Variants in GPI observed in about 807,000 individuals in gnomAD.
GPI encodes the protein glucose-6-phosphate isomerase.
A neutral mutation model predicts 75.8 loss-of-function variants in GPI; 56 were observed. That is an observed-to-expected ratio of 0.74 (90% CI 0.60 to 0.92). The LOEUF is 0.92. Among genes scored for constraint, GPI ranks in the 40% least tolerant of loss-of-function variants. GPI has a pLI of 0.00. For missense variants in GPI, 638 were observed against 741.0 expected (o/e 0.86, Z 1.61); for synonymous variants, 288 against 285.4 (o/e 1.01, Z -0.09).
chr19:34,391,911 G>A (rs1400610876), intron 9 of GPI, among the ~76,000 whole-genome samples: 5 of 5,304 alleles, frequency 9.4e-4, no homozygotes, highest in Non-Finnish European at 1.4e-3. Flanking sequence ...ATCTGGTACA[G>A]GTATGAGGAT....
Position 34,396,633 on chromosome 19 carries a change from C to G in GPI, c.1245C>G (p.Pro415=), listed in dbSNP as rs752133252. 6.2e-7 allele frequency: 1 copy of G among 1,614,178 alleles called. No homozygotes were observed. The highest frequency in any genetic ancestry group is 8.5e-7 in the Non-Finnish European group (1 of 1,180,000). ...DFLIPVQTQH[P]IRKGLHHKIL... Reference sequence around the variant, plus strand: ...TCATCCCGGTCCAGACCCAGCACCCCATACGGAAGGGTCTGCATCACAAGG... The same window carrying G: ...TCATCCCGGTCCAGACCCAGCACCCGATACGGAAGGGTCTGCATCACAAGG... The change falls in exon 14 of 18, where the codon CCC becomes CCG. Residue 415 remains proline (P), a synonymous_variant. Transcript: ENST00000356487.
chr19:34,378,905 G>T, intron 6 of GPI, 29 bp from the exon 7 acceptor site: 1 of 1,591,582 alleles, frequency 6.3e-7, no homozygotes, highest in Non-Finnish European at 8.6e-7. Flanking sequence ...CTAAGCTCGG[G>T]CGCCCACTGC....
chr19:34,381,197 C>T (rs552454559), intron 8 of GPI: 32 of 541,234 alleles, frequency 5.9e-5, no homozygotes, highest in African/African-American at 4.4e-4. Context: ...GGTCCTCACA[C>T]GGGGTTACAG....
intron 4 of GPI, among the ~76,000 whole-genome samples, chr19:34,375,550 T>G (rs1326421841): frequency 6.6e-6 from 1 of 152,186 alleles, no homozygotes; most frequent in Non-Finnish European, 1.5e-5. Context: ...AAGGCTGTAG[T>G]CAACATGTTG....
intron 1 of GPI, 73 bp downstream of exon 1, chr19:34,365,461 G>A: frequency 1.3e-6 from 2 of 1,512,592 alleles, no homozygotes; most frequent in South Asian, 2.4e-5. Flanking sequence ...GGGGTCTGGA[G>A]GCGGGGGCAG....
chr19:34,365,975 G>C (rs557245562), intron 1 of GPI: 2 of 520,684 alleles, frequency 3.8e-6, no homozygotes, highest in East Asian at 1.0e-4. Context: ...GGAGGCGGGG[G>C]AGGGGAGCGA....
intron 4 of GPI, 45 bp downstream of exon 4, chr19:34,368,747 G>C: frequency 6.2e-7 from 1 of 1,613,058 alleles, no homozygotes. Flanking sequence ...GTGTGTGTGA[G>C]TTATTTGGGA....
intron 7 of GPI, 128 bp from the exon 8 acceptor site, chr19:34,379,390 C>T: frequency 1.1e-6 from 1 of 885,716 alleles, no homozygotes; most frequent in Non-Finnish European, 1.9e-6. Context: ...TGGGCCTTCT[C>T]CAACAGTCTC....
chr19:34,383,475 G>A (rs2145381947), intron 9 of GPI, among the ~76,000 whole-genome samples: 1 of 152,318 alleles, frequency 6.6e-6, no homozygotes, highest in South Asian at 2.1e-4. Context: ...CGAAAAGTGA[G>A]GATCAGGTAG....
intron 9 of GPI, among the ~76,000 whole-genome samples, chr19:34,389,097 A>G (rs1025859254): frequency 2.8e-4 from 42 of 152,210 alleles, no homozygotes; most frequent in African/African-American, 9.6e-4. Context: ...GTCTCTTAAA[A>G]AAAAAAGAAA....
Position 34,396,833 on chromosome 19 carries a change from CAG to C in GPI, c.1269+179_1269+180del, listed in dbSNP as rs576048037. The stretch of plus-strand genomic sequence containing the variant: ...TCTTTTGTGGGGTGGGGAGGGGGGA[CAG>C]AGTCTTGCTCTGTCGCCCAGGCTGG... On this transcript the variant is annotated intron_variant, in intron 14 of 17. Coordinates refer to ENST00000356487, the MANE Select transcript of GPI (RefSeq NM_000175.5). Among the ~76,000 whole-genome samples, 31 of 152,204 alleles carry C rather than the reference CAG, an allele frequency of 2.0e-4. 1 individual carries two copies. In the East Asian group the frequency reaches 5.4e-3, roughly 27 times the overall value.
At position 34,399,236 on chromosome 19, in the gene GPI, A is replaced by G; in HGVS notation, c.1299A>G (p.Thr433=). 6.2e-7 allele frequency: 1 copy of G among 1,613,672 alleles called. No individual in the cohort carries two copies. Among genetic ancestry groups the G allele is most frequent in the Non-Finnish European group, 8.5e-7 (1 of 1,179,930 alleles). Residue 433 remains threonine, a synonymous_variant, in exon 15 of 18, where the codon ACA becomes ACG. Coordinates refer to ENST00000356487, the MANE Select transcript of GPI (RefSeq NM_000175.5). ...TCCTGGCCAACTTCTTGGCCCAGACAGAGGCCCTGATGAGGGGAAAATCGA... is the reference window on the plus strand; with the variant it reads ...TCCTGGCCAACTTCTTGGCCCAGACGGAGGCCCTGATGAGGGGAAAATCGA... ...KILLANFLAQ[T]EALMRGKSTE...
intron 1 of GPI, 33 bp downstream of exon 1, chr19:34,365,421 C>A: frequency 1.3e-6 from 2 of 1,533,400 alleles, no homozygotes; most frequent in Non-Finnish European, 1.7e-6. Context: ...GGCTGCCACG[C>A]GCGGCGCCCG....
Position 34,399,612 on chromosome 19 carries a change from C to A in GPI, c.1455C>A (p.Phe485Leu), listed in dbSNP as rs1264598847. The change falls in exon 16 of 18, where the codon TTC (phenylalanine) becomes TTA (leucine). Residue 485 changes from phenylalanine (F) to leucine (L), a missense_variant. By Grantham distance (22) the Phe-to-Leu change is conservative. Coordinates refer to ENST00000356487, the MANE Select transcript of GPI (RefSeq NM_000175.5). ...NSIVFTKLTP[F>L]MLGALVAMYE... ...TTGTGTTCACCAAGCTCACACCATT[C>A]ATGCTTGGAGCCTTGGTCGGTGAGT... 1 of 1,614,106 alleles carries A rather than the reference C, an allele frequency of 6.2e-7. No individual in the cohort carries two copies. The highest frequency in any genetic ancestry group is 1.1e-5 in the South Asian group (1 of 91,072).
At chr19:34,363,744 AG>A (rs2074316936), upstream of GPI, among the ~76,000 whole-genome samples, 1 of 151,978 alleles carries the variant, frequency 6.6e-6, no homozygotes, top group South Asian at 2.1e-4. Flanking sequence ...CGCTTGAACC[AG>A]GGAGGTGGAG....
chr19:34,391,630 C>G (rs1454926458), intron 9 of GPI, among the ~76,000 whole-genome samples: 2 of 320 alleles, frequency 6.3e-3, no homozygotes, highest in Non-Finnish European at 0.018. Context: ...CCGGGTCTGT[C>G]AATTTCTGAA....
chr19:34,388,902 G>T (rs867720803), intron 9 of GPI, among the ~76,000 whole-genome samples: 2 of 152,180 alleles, frequency 1.3e-5, no homozygotes, highest in Middle Eastern at 3.4e-3. Flanking sequence ...AAACCTGCCT[G>T]GACAACAGAG....
intron 8 of GPI, chr19:34,380,838 A>C: frequency 5.7e-6 from 1 of 174,844 alleles, no homozygotes; most frequent in Admixed American, 5.5e-5. Flanking sequence ...ACCCAGCTGC[A>C]GCAGGACGCC....
chr19:34,393,886 G>A lies in GPI; in HGVS notation c.910-28G>A, dbSNP rs749595634. 6.2e-7 allele frequency: 1 copy of A among 1,612,966 alleles called. No homozygotes were observed. The highest frequency in any genetic ancestry group is 1.1e-5 in the South Asian group (1 of 91,060). On this transcript the variant is annotated intron_variant, in intron 11 of 17. Coordinates refer to ENST00000356487, the MANE Select transcript of GPI (RefSeq NM_000175.5). This position sits in a 1 kb window ranked among gnomAD's most constrained non-coding sequence, Gnocchi z 4.4. ...CCTCCCCTCCCCGTGCAGCTGCTCA[G>A]CTCCCACTCATCCTGCTCCTGTTTC...
Sources: gnomAD v4.1 joint callset for allele counts (sites outside exome capture counted in the v4.1 genomes callset) on GRCh38, gnomAD v4.1.1 for gene constraint, Gnocchi (gnomAD v3.1) non-coding constraint, MANE v1.5 for transcripts, NCBI Gene and HGNC (gene_info 2026-07-23, HGNC 2026-07-21) for gene names.